The following USP43 variants were observed in gnomAD, a reference collection of about 807,000 sequenced individuals.
USP43 encodes the protein ubiquitin specific peptidase 43.
A neutral mutation model predicts 90.7 loss-of-function variants in USP43; 33 were observed. The ratio of observed to expected loss-of-function variants is 0.36; its 90% CI spans 0.28 to 0.49. The LOEUF (loss-of-function observed/expected upper bound fraction) is 0.49, where lower values mean the gene tolerates loss of function less well. Among genes scored for constraint, USP43 ranks in the 20% least tolerant of loss-of-function variants. The pLI is 0.98. For missense variants in USP43, 1,274 were observed against 1,476.4 expected (o/e 0.86, Z 2.25); for synonymous variants, 598 against 615.8 (o/e 0.97, Z 0.43).
intron 2 of USP43, among the ~76,000 whole-genome samples, chr17:9,658,641 T>A (rs1912428230): frequency 6.6e-6 from 1 of 152,230 alleles, no homozygotes; most frequent in Non-Finnish European, 1.5e-5. Context: ...AGGGGTGATT[T>A]CTTTTACTTA....
At chr17:9,720,485 A>G (rs1447839548) in intron 14 of USP43, among the ~76,000 whole-genome samples, 1 of 150,470 alleles carries the variant, frequency 6.6e-6, no homozygotes, top group Non-Finnish European at 1.5e-5. Context: ...AATATGTAGG[A>G]GAGGGTGTTT....
intron 12 of USP43, among the ~76,000 whole-genome samples, chr17:9,705,615 C>T (rs1034008745): frequency 1.3e-5 from 2 of 152,008 alleles, no homozygotes; most frequent in African/African-American, 2.4e-5. Flanking sequence ...ATCAGCCAGG[C>T]GTGGTGGCGT....
At position 9,681,133 on chromosome 17, in the gene USP43, A is replaced by C. The variant is rs1413060793; in HGVS notation, c.1105+767A>C. 3.2e-3 allele frequency among the ~76,000 whole-genome samples: 337 copies of C among 106,852 alleles called. 22 individuals carry two copies. The highest frequency in any genetic ancestry group is 0.017 in the African/African-American group (328 of 19,390). The allele number at this position is 106,852 out of a possible 152,430, so 70.1% of individuals were successfully genotyped here. On this transcript the variant is annotated intron_variant, in intron 6 of 14. Transcript: ENST00000285199. ...TAATATATACTATATAATATATACT[A>C]TATAATATATACTATATAATATATA... is the stretch of plus-strand genomic sequence containing the variant.
At position 9,709,246 on chromosome 17, in the gene USP43, G is replaced by A. The variant is rs1389940236; in HGVS notation, c.2012-710G>A. 1.3e-5 allele frequency among the ~76,000 whole-genome samples: 2 copies of A among 152,168 alleles called. No individual in the cohort carries two copies. Among genetic ancestry groups the A allele is most frequent in the Non-Finnish European group, 2.9e-5 (2 of 68,026 alleles). The stretch of plus-strand genomic sequence containing the variant: ...GTTCTTAGAAAGAGGTATGCCATAA[G>A]CCCAATTGTGATTCTCATCTTCACT... On this transcript the variant is annotated intron_variant, in intron 12 of 14. Transcript: ENST00000285199. This position sits in a 1 kb window ranked among gnomAD's most constrained non-coding sequence, Gnocchi z 5.0.
At chr17:9,673,365 C>T (rs548428571) in intron 3 of USP43, among the ~76,000 whole-genome samples, 14 of 152,004 alleles carry the variant, frequency 9.2e-5, no homozygotes, top group Non-Finnish European at 1.2e-4. Flanking sequence ...AAAAATTAGC[C>T]GGGCGTGGTG....
At chr17:9,708,281 G>A (rs1453864706) in intron 12 of USP43, among the ~76,000 whole-genome samples, 1 of 152,190 alleles carries the variant, frequency 6.6e-6, no homozygotes, top group Non-Finnish European at 1.5e-5. Context: ...TCATTTAAAG[G>A]TTCTAAGCAG....
chr17:9,681,319 A>AAT (rs1430789958), intron 6 of USP43, among the ~76,000 whole-genome samples: 24 of 112,986 alleles, frequency 2.1e-4, no homozygotes, highest in South Asian at 4.9e-4. Flanking sequence ...AATATATATA[A>AAT]ATATATATAT....
At chr17:9,658,627 G>A (rs992731092) in intron 2 of USP43, among the ~76,000 whole-genome samples, 1 of 152,312 alleles carries the variant, frequency 6.6e-6, no homozygotes, top group South Asian at 2.1e-4. Flanking sequence ...TGGGTTTTGA[G>A]ATTAGGGGTG....
intron 1 of USP43, among the ~76,000 whole-genome samples, chr17:9,652,063 G>T (rs1012824895): frequency 1.3e-5 from 2 of 151,924 alleles, no homozygotes; most frequent in African/African-American, 4.8e-5. Context: ...CATACAGGTA[G>T]AGTTATGCCA....
At chr17:9,705,473 G>A (rs933969467) in intron 12 of USP43, among the ~76,000 whole-genome samples, 9 of 152,006 alleles carry the variant, frequency 5.9e-5, no homozygotes, top group Admixed American at 1.3e-4. Context: ...TGTTGCTGTC[G>A]GCCGGGCGTG....
At chr17:9,693,995 A>G (rs1294345306) in intron 9 of USP43, among the ~76,000 whole-genome samples, 1 of 152,182 alleles carries the variant, frequency 6.6e-6, no homozygotes, top group Non-Finnish European at 1.5e-5. Context: ...TGAGGCTTAA[A>G]GCCAGTGTGG....
intron 3 of USP43, 52 bp downstream of exon 3, chr17:9,666,803 A>T (rs1417978390): frequency 3.5e-6 from 5 of 1,420,764 alleles, no homozygotes; most frequent in South Asian, 1.2e-5. Flanking sequence ...CGCAGACTCA[A>T]TTCCTGGTAA....
chr17:9,646,116 C>T lies in USP43; in HGVS notation c.484C>T (p.Gln162Ter). 1 of 1,481,472 alleles carries T rather than the reference C, an allele frequency of 6.8e-7. No individual in the cohort carries two copies. Among genetic ancestry groups the T allele is most frequent in the Middle Eastern group, 2.0e-4 (1 of 5,022 alleles). 91.8% of individuals were successfully genotyped at this position (1,481,472 alleles called of 1,614,324 possible). A position where few individuals can be genotyped will look rare whatever the true frequency, so the allele number is the denominator to read the frequency against. ...GCTCTGGACTCGCGAATACACGCCC[C>T]AACTTTCCGCGGAGTTCAAGGTAGG... ...RALWTREYTP[Q>*]LSAEFKNAVS... The change falls in exon 1 of 15, where the codon CAA becomes TAA. Residue 162 changes from glutamine to a stop codon, truncating the protein, a stop_gained. Coordinates refer to ENST00000285199, the MANE Select transcript of USP43 (RefSeq NM_153210.5). LOFTEE classifies it high-confidence loss of function.
intron 8 of USP43, among the ~76,000 whole-genome samples, chr17:9,691,304 G>T (rs1401630448): frequency 2.0e-5 from 3 of 149,554 alleles, no homozygotes; most frequent in African/African-American, 7.7e-5. Context: ...TTTTAGTAGA[G>T]ATGTAGCTTC....
At chr17:9,704,253 C>T (rs1417125125) in intron 12 of USP43, among the ~76,000 whole-genome samples, 1 of 142,744 alleles carries the variant, frequency 7.0e-6, no homozygotes, top group Non-Finnish European at 1.5e-5. Context: ...ATTTAGGGGA[C>T]CTGTGTGTCT....
Position 9,725,700 on chromosome 17 carries a change from T to C in USP43, c.2336-2254T>C, listed in dbSNP as rs1244117285. 5.3e-5 allele frequency among the ~76,000 whole-genome samples: 8 copies of C among 152,116 alleles called. No homozygotes were observed. The East Asian group carries it at 1.5e-3, about 29-fold the overall frequency. ...GTTCCCATGAAATGTAGCTCAGGCGTTGATGTCAGCCCTGGCCTCAGAGAC... is the reference window on the plus strand; with the variant it reads ...GTTCCCATGAAATGTAGCTCAGGCGCTGATGTCAGCCCTGGCCTCAGAGAC... On this transcript the variant is annotated intron_variant, in intron 14 of 14. Coordinates refer to ENST00000285199, the MANE Select transcript of USP43 (RefSeq NM_153210.5).
chr17:9,711,339 CAT>C (rs1391531379), intron 13 of USP43, among the ~76,000 whole-genome samples: 8 of 152,208 alleles, frequency 5.3e-5, no homozygotes, highest in African/African-American at 1.9e-4. Context: ...AAACAAAAAA[CAT>C]ATTTAGAATG....
chr17:9,685,011 G>C (rs550683376), intron 7 of USP43, among the ~76,000 whole-genome samples: 5 of 152,180 alleles, frequency 3.3e-5, no homozygotes, highest in African/African-American at 1.2e-4. Flanking sequence ...ATAATTGTGC[G>C]CTCAAAGGTT....
At position 9,646,064 on chromosome 17, in the gene USP43, C is replaced by A. The variant is rs115314145; in HGVS notation, c.432C>A (p.Thr144=). 6.6e-7 allele frequency: 1 copy of A among 1,507,570 alleles called. No homozygotes were observed. The allele number at this position is 1,507,570 out of a possible 1,614,324, so 93.4% of individuals were successfully genotyped here. A position where few individuals can be genotyped will look rare whatever the true frequency, so the allele number is the denominator to read the frequency against. ...CGGCTCCGGGCCGCGCCGAGGTCAC[C>A]GAGCAGCTGGCGGCGCTGGTGCGCG... ...YRAAPGRAEV[T]EQLAALVRAL... Residue 144 remains threonine (T), a synonymous_variant, in exon 1 of 15, where the codon ACC becomes ACA. Transcript: ENST00000285199.
Sources: gnomAD v4.1 joint callset for allele counts (sites outside exome capture counted in the v4.1 genomes callset) on GRCh38, gnomAD v4.1.1 for gene constraint, Gnocchi (gnomAD v3.1) non-coding constraint, MANE v1.5 for transcripts, NCBI Gene and HGNC (gene_info 2026-07-23, HGNC 2026-07-21) for gene names.